Variants in PCDHA8 observed in about 807,000 individuals in gnomAD.
The protein encoded by PCDHA8 is protocadherin alpha 8.
A neutral mutation model predicts 61.8 loss-of-function variants in PCDHA8; 53 were observed. The ratio of observed to expected loss-of-function variants is 0.86; its 90% CI spans 0.69 to 1.08. The LOEUF (loss-of-function observed/expected upper bound fraction) is 1.08. Ranked by LOEUF, PCDHA8 falls within the 50% of genes least tolerant of loss-of-function variation. The pLI is 0.00. For missense variants in PCDHA8, 1,293 were observed against 1,245.0 expected, an observed-to-expected ratio of 1.04 and a Z score of -0.58; for synonymous variants, 618 against 556.6, an observed-to-expected ratio of 1.11 and a Z score of -1.55.
Position 140,922,401 on chromosome 5 carries a change from A to T in PCDHA8, c.2395-56548A>T, listed in dbSNP as rs1290862669. On this transcript the variant is annotated intron_variant, in intron 1 of 3. Transcript: ENST00000531613. ...AACCAAAGACTCCTTGTTTTGGATT[A>T]AAAAGATCTAGGTACAGAGGCTGAG... 2.6e-5 allele frequency among the ~76,000 whole-genome samples: 4 copies of T among 152,234 alleles called. No individual in the cohort carries two copies. In the East Asian group the frequency reaches 7.7e-4, roughly 29 times the overall value.
rs555659207 is a variant in PCDHA8, at chr5:140,967,475, C to A, written c.2395-11474C>A. 2.5e-6 allele frequency: 4 copies of A among 1,613,342 alleles called. No homozygotes were observed. In the East Asian group the frequency reaches 8.9e-5, roughly 36 times the overall value. On this transcript the variant is annotated intron_variant, in intron 1 of 3. Coordinates refer to ENST00000531613, the MANE Select transcript of PCDHA8 (RefSeq NM_018911.3). ...AGCCGTGGATGGGGGCATCCCAGCC[C>A]GCTCGGGTACGGCACAGATCTCTGT...
chr5:140,882,197 G>T, intron 1 of PCDHA8: 2 of 1,521,690 alleles, frequency 1.3e-6, no homozygotes, highest in Non-Finnish European at 1.8e-6. Flanking sequence ...CATAAAAATT[G>T]GGCCTTGAGA....
Position 140,899,596 on chromosome 5 carries a change from G to A in PCDHA8, c.2394+55881G>A, listed in dbSNP as rs567280301. On this transcript the variant is annotated intron_variant, in intron 1 of 3. Transcript: ENST00000531613. ...ATTCGGTTTGCCAGTATTTTATTGA[G>A]GACTTTTGCATCAATGTTCATCAAG... Among the ~76,000 whole-genome samples the A allele has an allele frequency of 7.2e-5, 11 of 152,196 alleles. No individual in the cohort carries two copies. In the East Asian group the frequency reaches 2.1e-3, roughly 29 times the overall value.
At chr5:140,929,679 G>A (rs142104946) in intron 1 of PCDHA8, 4 of 303,052 alleles carry the variant, frequency 1.3e-5, no homozygotes, top group African/African-American at 2.2e-5. Context: ...TGAAAAATAT[G>A]TAAGAGTCTG....
intron 1 of PCDHA8, among the ~76,000 whole-genome samples, chr5:140,916,305 G>T (rs2077519382): frequency 1.3e-5 from 2 of 152,156 alleles, no homozygotes; most frequent in South Asian, 2.1e-4. Context: ...TGGTACCAAA[G>T]GTGCAAGACA....
At position 140,841,453 on chromosome 5, in the gene PCDHA8, C is replaced by A. The variant is rs2150315811; in HGVS notation, c.132C>A (p.Phe44Leu). Residue 44 changes from phenylalanine (F) to leucine (L), a missense_variant, in exon 1 of 4, where the codon TTC (phenylalanine) becomes TTA (leucine). Physicochemically the swap from Phe to Leu is conservative, Grantham distance 22 (BLOSUM62 0). Transcript: ENST00000531613. ...CCGAGGAGGCCAAACACGGCACCTT[C>A]GTGGGCCGGATCGCGCAGGACCTGG... ...SVPEEAKHGT[F>L]VGRIAQDLGL... 6.2e-7 allele frequency: 1 copy of A among 1,612,918 alleles called. No individual in the cohort carries two copies. The highest frequency in any genetic ancestry group is 1.1e-5 in the South Asian group (1 of 91,022).
chr5:140,843,170 A>T lies in PCDHA8; in HGVS notation c.1849A>T (p.Ser617Cys), dbSNP rs2150354279. Residue 617 changes from serine to cysteine, a missense_variant, in exon 1 of 4, where the codon AGC (serine) becomes TGC (cysteine). Coordinates refer to ENST00000531613, the MANE Select transcript of PCDHA8 (RefSeq NM_018911.3). Reference sequence around the variant, plus strand: ...GTATGAGCTGCAGCCAGCTGCAAGCAGCCCTCGCATCCCGTTCCGCGTGGG... The same window carrying T: ...GTATGAGCTGCAGCCAGCTGCAAGCTGCCCTCGCATCCCGTTCCGCGTGGG... ...LSYELQPAAS[S>C]PRIPFRVGLY... The T allele has an allele frequency of 1.3e-6, 2 of 1,596,072 alleles. No homozygotes were observed.
At chr5:140,879,483 T>C (rs2153367251) in intron 1 of PCDHA8, among the ~76,000 whole-genome samples, 1 of 152,292 alleles carries the variant, frequency 6.6e-6, no homozygotes, top group Non-Finnish European at 1.5e-5. Context: ...TGATTGGAAA[T>C]ATGGGTCTGG....
intron 1 of PCDHA8, among the ~76,000 whole-genome samples, chr5:140,914,442 CT>C (rs782585142): frequency 1.5e-4 from 23 of 152,072 alleles, no homozygotes; most frequent in Non-Finnish European, 2.9e-4. Context: ...TTTCCCATGT[CT>C]TTATTTTCCA....
Position 140,924,253 on chromosome 5 carries a change from A to T in PCDHA8, c.2395-54696A>T, listed in dbSNP as rs550218351. ...ATGGGCTGTTTTGCATCCTGGTGAGATCTAATGAGGTCTGTACTTGTGACT... is the reference window on the plus strand; with the variant it reads ...ATGGGCTGTTTTGCATCCTGGTGAGTTCTAATGAGGTCTGTACTTGTGACT... On this transcript the variant is annotated intron_variant, in intron 1 of 3. Coordinates refer to ENST00000531613, the MANE Select transcript of PCDHA8 (RefSeq NM_018911.3). Among the ~76,000 whole-genome samples, 68 of 152,330 alleles carry T rather than the reference A, an allele frequency of 4.5e-4. No homozygotes were observed. In the South Asian group the frequency reaches 0.013, roughly 29 times the overall value.
intron 1 of PCDHA8, chr5:140,966,543 A>C (rs200134570): frequency 6.5e-6 from 3 of 461,074 alleles, no homozygotes; most frequent in Admixed American, 4.3e-5. Context: ...AGCGACTCGG[A>C]GGCGAGCGGA....
Position 140,856,497 on chromosome 5 carries a change from G to A in PCDHA8, c.2394+12782G>A, listed in dbSNP as rs782069130. 1.1e-5 allele frequency: 17 copies of A among 1,598,346 alleles called. 1 individual carries two copies. Among genetic ancestry groups the A allele is most frequent in the Admixed American group, 5.1e-5 (3 of 59,216 alleles). ...CCTGAATCCAGACTGCTTGACTCTC[G>A]ATTTCCACTAGAAGGCGCATCTGAT... On this transcript the variant is annotated intron_variant, in intron 1 of 3. Transcript: ENST00000531613.
At chr5:140,989,527 G>A (rs1172019994) in intron 3 of PCDHA8, among the ~76,000 whole-genome samples, 1 of 152,192 alleles carries the variant, frequency 6.6e-6, no homozygotes, top group Non-Finnish European at 1.5e-5. Flanking sequence ...GGGCAGAGGA[G>A]GAAGATAGTT....
At chr5:140,972,471 G>A (rs1437633114) in intron 1 of PCDHA8, among the ~76,000 whole-genome samples, 6 of 151,998 alleles carry the variant, frequency 3.9e-5, no homozygotes, top group Non-Finnish European at 8.8e-5. Context: ...TTAAACATCA[G>A]CATTTAACCC....
At chr5:140,870,732 T>A (rs782731773) in intron 1 of PCDHA8, 10 of 1,613,288 alleles carry the variant, frequency 6.2e-6, no homozygotes, top group East Asian at 2.2e-5. Flanking sequence ...GCGTGCCGCC[T>A]CTGAGCAGCA....
intron 1 of PCDHA8, among the ~76,000 whole-genome samples, chr5:140,916,747 G>T (rs1445361224): frequency 2.6e-5 from 4 of 152,220 alleles, no homozygotes; most frequent in African/African-American, 9.6e-5. Context: ...TTCACTGCCT[G>T]GGATTAGGGG....
At chr5:140,978,587 T>C (rs1260706970) in intron 1 of PCDHA8, among the ~76,000 whole-genome samples, 5 of 152,250 alleles carry the variant, frequency 3.3e-5, no homozygotes, top group Admixed American at 6.5e-5. Context: ...GAATGTTCCC[T>C]TAATGGGGCA....
chr5:140,985,941 G>T (rs553776294), intron 3 of PCDHA8, among the ~76,000 whole-genome samples: 2 of 151,978 alleles, frequency 1.3e-5, no homozygotes, highest in South Asian at 4.1e-4. Flanking sequence ...GGGTTTCACT[G>T]TGTTAGCCAG....
intron 1 of PCDHA8, chr5:140,966,547 G>A (rs2096020137): frequency 2.1e-6 from 1 of 467,502 alleles, no homozygotes; most frequent in Non-Finnish European, 3.6e-6. Context: ...ACTCGGAGGC[G>A]AGCGGAGGAG....
Sources: gnomAD v4.1 joint callset for allele counts (sites outside exome capture counted in the v4.1 genomes callset) on GRCh38, gnomAD v4.1.1 for gene constraint, MANE v1.5 for transcripts, NCBI Gene and HGNC (gene_info 2026-07-23, HGNC 2026-07-21) for gene names.